Variants in NT5C3B observed in about 807,000 individuals in gnomAD.
The protein encoded by NT5C3B is 5'-nucleotidase, cytosolic IIIB.
A neutral mutation model predicts 32.5 loss-of-function variants in NT5C3B; 28 were observed. The ratio of observed to expected loss-of-function variants is 0.86; its 90% confidence interval spans 0.64 to 1.18. The LOEUF (loss-of-function observed/expected upper bound fraction) is 1.18. Among genes scored for constraint, NT5C3B ranks in the 50% most tolerant of loss-of-function variants. The pLI is 0.00. For synonymous variants in NT5C3B, 138 were observed against 118.0 expected (o/e 1.17, Z -1.10); for missense variants, 317 against 322.0 (o/e 0.98, Z 0.12).
At position 41,825,506 on chromosome 17, in the gene NT5C3B, G is replaced by T. The variant is rs782464583; in HGVS notation, c.*17C>A. ...CCTCCTCACCACGGCCTGCAGGCCG[G>T]GCTGGAGCCTGCGCCTTCAGGGGCC... On this transcript the variant is annotated 3_prime_UTR_variant, in exon 9 of 9. Transcript: ENST00000435506. The T allele has an allele frequency of 2.3e-6, 2 of 870,302 alleles. No individual in the cohort carries two copies. The highest frequency in any genetic ancestry group is 4.0e-6 in the Non-Finnish European group (2 of 500,936). The allele number at this position is 870,302 out of a possible 1,614,324, so 53.9% of individuals were successfully genotyped here.
intron 7 of NT5C3B, chr17:41,828,492 A>ACGCCCG: frequency 4.3e-6 from 1 of 232,264 alleles, no homozygotes; most frequent in African/African-American, 2.2e-5. Context: ...ACACACCACC[A>ACGCCCG]CGCCCGGCTT....
intron 8 of NT5C3B, among the ~76,000 whole-genome samples, chr17:41,826,863 G>T (rs1555618257): frequency 6.6e-6 from 1 of 151,800 alleles, no homozygotes; most frequent in East Asian, 1.9e-4. Context: ...AACCAGGTGT[G>T]GTGGCACATG....
chr17:41,827,888 G>C lies in NT5C3B; in HGVS notation c.568-262C>G, dbSNP rs149643094. Among the ~76,000 whole-genome samples the C allele has an allele frequency of 2.6e-3, 391 of 152,330 alleles. 3 individuals are homozygous for C. The highest frequency in any genetic ancestry group is 9.0e-3 in the African/African-American group (373 of 41,586). On this transcript the variant is annotated intron_variant, in intron 7 of 8. Coordinates refer to ENST00000435506, the MANE Select transcript of NT5C3B (RefSeq NM_052935.5). ...GCTATAAAGGCAAAGTTGGGCAGTTGCAACAGTGATGCCACAGCCCATAAA... is the reference window on the plus strand; with the variant it reads ...GCTATAAAGGCAAAGTTGGGCAGTTCCAACAGTGATGCCACAGCCCATAAA...
intron 2 of NT5C3B, 135 bp from the exon 3 acceptor site, chr17:41,835,407 C>T: frequency 1.4e-6 from 1 of 732,270 alleles, no homozygotes; most frequent in Non-Finnish European, 2.4e-6. Flanking sequence ...GGGGAGTTAC[C>T]GAGTGACACA....
intron 8 of NT5C3B, among the ~76,000 whole-genome samples, chr17:41,825,910 T>C (rs1293620852): frequency 6.6e-6 from 1 of 152,136 alleles, no homozygotes; most frequent in African/African-American, 2.4e-5. Context: ...AAAAACCAGA[T>C]GTTGCCACTT....
chr17:41,827,676 G>A (rs782169580), intron 7 of NT5C3B, 50 bp from the exon 8 acceptor site: 1 of 790,058 alleles, frequency 1.3e-6, no homozygotes, highest in Non-Finnish European at 2.3e-6. Flanking sequence ...GGACCCATGT[G>A]GCACCAGCTC....
chr17:41,827,676 G>T (rs782169580), intron 7 of NT5C3B, 50 bp from the exon 8 acceptor site: 2 of 789,940 alleles, frequency 2.5e-6, no homozygotes, highest in East Asian at 4.9e-5. Context: ...GGACCCATGT[G>T]GCACCAGCTC....
intron 4 of NT5C3B, 48 bp downstream of exon 4, chr17:41,835,022 A>G: frequency 6.4e-7 from 1 of 1,556,004 alleles, no homozygotes; most frequent in Non-Finnish European, 8.9e-7. Context: ...GAACCATTTG[A>G]AGTAGCAAAT....
chr17:41,835,083 T>A lies in NT5C3B; in HGVS notation c.215A>T (p.Glu72Val). The A allele has an allele frequency of 1.2e-6, 2 of 1,614,128 alleles. No homozygotes were observed. The highest frequency in any genetic ancestry group is 4.5e-5 in the East Asian group (2 of 44,882). Residue 72 changes from glutamate to valine, a missense_variant, in exon 4 of 9, where the codon GAG becomes GTG. Physicochemically the swap from Glu to Val is moderately radical, Grantham distance 121. Transcript: ENST00000435506. ...ILDNSKIISEECRKELTALLH... is the reference protein window; with the variant it reads ...ILDNSKIISEVCRKELTALLH... ...GGAGCAACCCACCTCTTTCCGACAC[T>A]CCTCACTGATGATCTTGCTATTATC...
At chr17:41,827,099 G>A (rs1418360761) in intron 8 of NT5C3B, among the ~76,000 whole-genome samples, 1 of 151,574 alleles carries the variant, frequency 6.6e-6, no homozygotes, top group Non-Finnish European at 1.5e-5. Flanking sequence ...GAGGTCAGGA[G>A]ATTGAGACCA....
intron 2 of NT5C3B, 143 bp downstream of exon 2, chr17:41,835,716 C>A: frequency 1.1e-6 from 1 of 884,086 alleles, no homozygotes; most frequent in South Asian, 1.4e-5. Flanking sequence ...GCGAACCAAC[C>A]CGCTCTCCTT....
At chr17:41,827,367 TA>T (rs2047984231) in intron 8 of NT5C3B, 58 bp downstream of exon 8, 5 of 798,362 alleles carry the variant, frequency 6.3e-6, no homozygotes, top group Admixed American at 1.9e-5. Context: ...AGGCATTTGT[TA>T]ATGGGCATTC....
In NT5C3B at chr17:41,825,591, C is replaced by T. The variant is rs1555618027; in HGVS notation, c.835G>A (p.Asp279Asn). Residue 279 changes from aspartate to asparagine, a missense_variant, in exon 9 of 9, where the codon GAT (aspartate) becomes AAT (asparagine). Physicochemically the swap from Asp to Asn is conservative, Grantham distance 23. Transcript: ENST00000435506. ...TGCTGCAGTAGCCCGTTGACCACAT[C>T]CAGAGTCTCGTCCTTCTCCAGCACG... ...DIVLEKDETLDVVNGLLQHIL... is the reference protein window; with the variant it reads ...DIVLEKDETLNVVNGLLQHIL... 7 of 872,898 alleles carry T rather than the reference C, an allele frequency of 8.0e-6. No individual in the cohort carries two copies. Among genetic ancestry groups the T allele is most frequent in the Non-Finnish European group, 1.4e-5 (7 of 501,694 alleles). The allele number at this position is 872,898 out of a possible 1,614,324, so 54.1% of individuals were successfully genotyped here. A position where few individuals can be genotyped will look rare whatever the true frequency, so the allele number is the denominator to read the frequency against.
At chr17:41,834,163 A>C (rs1482083256) in intron 4 of NT5C3B, among the ~76,000 whole-genome samples, 3 of 152,084 alleles carry the variant, frequency 2.0e-5, no homozygotes, top group Non-Finnish European at 4.4e-5. Context: ...TGGGAGGCCA[A>C]GGCGGGCGGA....
chr17:41,833,754 G>A (rs1348022593), intron 4 of NT5C3B, among the ~76,000 whole-genome samples: 2 of 152,178 alleles, frequency 1.3e-5, no homozygotes, highest in African/African-American at 4.8e-5. Context: ...GCATGTTGGT[G>A]GACAATTCCG....
At chr17:41,828,706 G>C (rs782665368) in intron 7 of NT5C3B, 84 bp downstream of exon 7, 1 of 1,278,532 alleles carries the variant, frequency 7.8e-7, no homozygotes, top group Non-Finnish European at 1.1e-6. Context: ...TTCTTCCCCA[G>C]GTTAGGGTTC....
chr17:41,835,293 G>A, intron 2 of NT5C3B, 21 bp from the exon 3 acceptor site: 1 of 1,607,844 alleles, frequency 6.2e-7, no homozygotes, highest in Non-Finnish European at 8.5e-7. Flanking sequence ...AAAGAGAGAT[G>A]ATGCCTAAAT....
intron 8 of NT5C3B, among the ~76,000 whole-genome samples, chr17:41,826,130 T>C (rs1567859181): frequency 6.7e-6 from 1 of 148,226 alleles, no homozygotes; most frequent in Non-Finnish European, 1.5e-5. Context: ...CACTCCAGCC[T>C]AGGTGACAGA....
At chr17:41,829,529 T>A (rs1195782308) in intron 6 of NT5C3B, among the ~76,000 whole-genome samples, 1 of 152,240 alleles carries the variant, frequency 6.6e-6, no homozygotes, top group Non-Finnish European at 1.5e-5. Flanking sequence ...CTCCCATTGA[T>A]TAGCTTTGCC....
Sources: allele counts gnomAD v4.1 joint callset (sites outside exome capture counted in the v4.1 genomes callset), GRCh38; gene constraint gnomAD v4.1.1; transcripts MANE v1.5; gene names NCBI Gene and HGNC (gene_info 2026-07-23, HGNC 2026-07-21).